Variants in NCKAP5 observed in about 807,000 individuals in gnomAD.
NCKAP5 encodes the protein NCK associated protein 5.
NCKAP5 carries 92 observed loss-of-function variants against 167.0 expected under a neutral mutation model. That is an observed-to-expected ratio of 0.55 (90% CI 0.47 to 0.66). The LOEUF (loss-of-function observed/expected upper bound fraction) is 0.66, where lower values mean the gene tolerates loss of function less well. Among genes scored for constraint, NCKAP5 ranks in the 30% least tolerant of loss-of-function variants. The pLI, the probability that NCKAP5 is intolerant of heterozygous loss-of-function variation, is 0.00. For missense variants in NCKAP5, 2,378 were observed against 2,315.0 expected (o/e 1.03, Z -0.56); for synonymous variants, 891 against 877.4 (o/e 1.02, Z -0.27).
At chr2:132,884,804 A>C (rs1692082670) in intron 8 of NCKAP5, among the ~76,000 whole-genome samples, 1 of 152,162 alleles carries the variant, frequency 6.6e-6, no homozygotes. Flanking sequence ...GTATGGAAAT[A>C]AAGCTGAAAA....
In NCKAP5 at chr2:133,534,626, T is replaced by C. The variant is rs910485596; in HGVS notation, c.-61-17039A>G. Among the ~76,000 whole-genome samples, 5 of 152,200 alleles carry C rather than the reference T, an allele frequency of 3.3e-5. No individual in the cohort carries two copies. In the East Asian group the frequency reaches 7.7e-4, roughly 23 times the overall value. ...GACTAACTTCTTCCACTTCGCATCA[T>C]GTTTTCAGGAATCATCCATGTTGCA... On this transcript the variant is annotated intron_variant, in intron 2 of 19. Coordinates refer to ENST00000409261, the MANE Select transcript of NCKAP5 (RefSeq NM_207363.3).
At chr2:133,558,485 G>A (rs1037747411) in intron 2 of NCKAP5, among the ~76,000 whole-genome samples, 1 of 151,930 alleles carries the variant, frequency 6.6e-6, no homozygotes, top group African/African-American at 2.4e-5. Flanking sequence ...AGCAGCCAGG[G>A]AAGATGGTCC....
intron 19 of NCKAP5, chr2:132,714,976 A>G (rs1689229613): frequency 4.6e-6 from 2 of 432,160 alleles, no homozygotes; most frequent in African/African-American, 4.2e-5. Context: ...TAATTCGCTG[A>G]GTAATACTTG....
At chr2:133,195,442 T>A (rs944099149) in intron 5 of NCKAP5, among the ~76,000 whole-genome samples, 3 of 152,150 alleles carry the variant, frequency 2.0e-5, no homozygotes, top group African/African-American at 7.2e-5. Context: ...CCAGCATACA[T>A]GTGTCATGCT....
intron 4 of NCKAP5, among the ~76,000 whole-genome samples, chr2:133,223,626 C>G (rs1457527418): frequency 6.6e-6 from 1 of 152,176 alleles, no homozygotes; most frequent in African/African-American, 2.4e-5. Context: ...TCTTTATATA[C>G]TTTTTTCCAA....
chr2:133,027,473 T>G lies in NCKAP5; in HGVS notation c.342-33234A>C, dbSNP rs183863043. 5.9e-5 allele frequency among the ~76,000 whole-genome samples: 9 copies of G among 152,314 alleles called. No individual in the cohort carries two copies. The East Asian group carries it at 1.7e-3, about 29-fold the overall frequency. ...CTCCCCAATAATTAGATGAAGCACG[T>G]GAGACAGGCAGGTCAAGTGACTAGC... On this transcript the variant is annotated intron_variant, in intron 6 of 19. Transcript: ENST00000409261.
intron 6 of NCKAP5, among the ~76,000 whole-genome samples, chr2:133,006,502 G>A (rs1341496609): frequency 6.6e-6 from 1 of 152,100 alleles, no homozygotes; most frequent in Admixed American, 6.6e-5. Context: ...ATCTGTATGG[G>A]AGTTTGACTC....
At chr2:133,234,772 T>A (rs1056622904) in intron 4 of NCKAP5, among the ~76,000 whole-genome samples, 18 of 152,092 alleles carry the variant, frequency 1.2e-4, no homozygotes, top group South Asian at 2.1e-4. Context: ...TTAAAATAGT[T>A]ACCTAAAGTT....
intron 3 of NCKAP5, among the ~76,000 whole-genome samples, chr2:133,469,936 C>T (rs985888597): frequency 8.0e-5 from 12 of 150,708 alleles, no homozygotes; most frequent in African/African-American, 2.7e-4. Context: ...AAGTTTTCAA[C>T]TTCTTTGCCT....
chr2:133,067,701 G>A (rs569904403), intron 6 of NCKAP5, among the ~76,000 whole-genome samples: 1 of 152,312 alleles, frequency 6.6e-6, no homozygotes, highest in South Asian at 2.1e-4. Context: ...GGTTAGGTAG[G>A]TTGCAAGGAC....
intron 5 of NCKAP5, among the ~76,000 whole-genome samples, chr2:133,192,434 T>C: frequency 6.6e-6 from 1 of 152,076 alleles, no homozygotes; most frequent in Non-Finnish European, 1.5e-5. Flanking sequence ...ACTTTTGTTC[T>C]GTGAAATATC....
chr2:133,603,284 T>C, the NCKAP5 span, among the ~76,000 whole-genome samples: 1 of 149,802 alleles, frequency 6.7e-6, no homozygotes, highest in East Asian at 2.0e-4. Flanking sequence ...TGAAGTGCGA[T>C]GGCGCAATCT....
intron 7 of NCKAP5, among the ~76,000 whole-genome samples, chr2:132,986,274 T>A: frequency 6.6e-6 from 1 of 152,214 alleles, no homozygotes. Context: ...AACTCTATTT[T>A]AACCTTTTCA....
At chr2:133,103,767 G>C (rs2081593606) in intron 6 of NCKAP5, among the ~76,000 whole-genome samples, 1 of 152,202 alleles carries the variant, frequency 6.6e-6, no homozygotes, top group African/African-American at 2.4e-5. Context: ...GCATCAGAGA[G>C]AGGTGCTGTC....
At chr2:132,860,234 A>T (rs1689787283) in intron 11 of NCKAP5, among the ~76,000 whole-genome samples, 1 of 152,186 alleles carries the variant, frequency 6.6e-6, no homozygotes, top group Non-Finnish European at 1.5e-5. Flanking sequence ...GGTTCCATTT[A>T]GTTTACTACA....
chr2:132,923,610 T>C (rs1212935256), intron 8 of NCKAP5, among the ~76,000 whole-genome samples: 1 of 152,160 alleles, frequency 6.6e-6, no homozygotes, highest in Non-Finnish European at 1.5e-5. Context: ...CCTAATGGGC[T>C]CTTTACAGAG....
intron 6 of NCKAP5, among the ~76,000 whole-genome samples, chr2:133,056,242 T>C (rs977533475): frequency 1.3e-5 from 2 of 152,130 alleles, no homozygotes; most frequent in African/African-American, 2.4e-5. Flanking sequence ...CTGAAAACTT[T>C]CCCCAAAGCT....
Position 133,031,770 on chromosome 2 carries a change from G to A in NCKAP5, c.342-37531C>T, listed in dbSNP as rs190771881. ...GACTTTGTCTTGCATATTGGATACC[G>A]GCTGAGCCACAGCAGGATACGGCAC... On this transcript the variant is annotated intron_variant, in intron 6 of 19. Transcript: ENST00000409261. Among the ~76,000 whole-genome samples, 323 of 152,122 alleles carry A rather than the reference G, an allele frequency of 2.1e-3. 2 individuals are homozygous for A. The highest frequency in any genetic ancestry group is 3.5e-3 in the Non-Finnish European group (238 of 68,002).
chr2:133,096,489 A>AAAATAAATAAAT (rs3051199), intron 6 of NCKAP5, among the ~76,000 whole-genome samples: 24 of 146,814 alleles, frequency 1.6e-4, no homozygotes, highest in African/African-American at 5.3e-4. Flanking sequence ...CTCTGTCTCA[A>AAAATAAATAAAT]AAATAAATAA....
Sources: gnomAD v4.1 joint callset for allele counts (sites outside exome capture counted in the v4.1 genomes callset) on GRCh38, gnomAD v4.1.1 for gene constraint, MANE v1.5 for transcripts, NCBI Gene and HGNC (gene_info 2026-07-23, HGNC 2026-07-21) for gene names.